The following ZNF726 variants were observed in gnomAD, a reference collection of about 807,000 sequenced individuals.
ZNF726 encodes the protein zinc finger protein 726.
Under a neutral mutation model 11.6 loss-of-function variants are expected in ZNF726, and 15 were observed. The ratio of observed to expected loss-of-function variants is 1.29; its 90% CI spans 0.86 to 1.99. The LOEUF is 1.99. Among genes scored for constraint, ZNF726 ranks in the 30% most tolerant of loss-of-function variants. ZNF726 has a pLI of 0.00. For missense variants in ZNF726, 890 were observed against 725.6 expected, an observed-to-expected ratio of 1.23 and a Z score of -2.60; for synonymous variants, 295 against 243.6, an observed-to-expected ratio of 1.21 and a Z score of -1.96.
chr19:23,939,495 T>C (rs1344612086), intron 3 of ZNF726, among the ~76,000 whole-genome samples: 1 of 152,194 alleles, frequency 6.6e-6, no homozygotes, highest in Non-Finnish European at 1.5e-5. Flanking sequence ...GTTCCATTGG[T>C]CTATATTTCA....
intron 1 of ZNF726, 80 bp from the exon 2 acceptor site, chr19:23,919,293 T>G: frequency 1.3e-6 from 2 of 1,567,622 alleles, no homozygotes; most frequent in Non-Finnish European, 1.7e-6. Flanking sequence ...TCTATTCACT[T>G]TCTGATTTTA....
intron 3 of ZNF726, among the ~76,000 whole-genome samples, chr19:23,931,219 G>C (rs1262879656): frequency 6.6e-6 from 1 of 152,154 alleles, no homozygotes; most frequent in Non-Finnish European, 1.5e-5. Flanking sequence ...TGATCCACCT[G>C]CCTCAGCCTC....
At chr19:23,928,853 A>T (rs961257639) in intron 3 of ZNF726, 1 of 152,114 alleles carries the variant, frequency 6.6e-6, no homozygotes, top group Non-Finnish European at 1.5e-5. Context: ...GCTGGTTTGC[A>T]GTGTTGTGAT....
At chr19:23,938,389 T>C (rs544263766), downstream of ZNF726, among the ~76,000 whole-genome samples, 2 of 152,184 alleles carry the variant, frequency 1.3e-5, no homozygotes, top group African/African-American at 4.8e-5. Context: ...AAATAAATCA[T>C]TTTAAGAAGG....
intron 3 of ZNF726, among the ~76,000 whole-genome samples, chr19:23,931,357 C>T (rs956506073): frequency 2.6e-5 from 4 of 151,596 alleles, no homozygotes; most frequent in Non-Finnish European, 4.4e-5. Context: ...TTTTTACCTC[C>T]ACAGTTTCCG....
intron 1 of ZNF726, among the ~76,000 whole-genome samples, chr19:23,917,856 A>T (rs1222859399): frequency 1.3e-5 from 2 of 148,866 alleles, no homozygotes; most frequent in Non-Finnish European, 3.0e-5. Context: ...TTAATAACTA[A>T]CATGGAAATT....
Position 23,932,700 on chromosome 19 carries a change from A to T in ZNF726, c.584A>T (p.Tyr195Phe). 1 of 1,603,944 alleles carries T rather than the reference A, an allele frequency of 6.2e-7. No individual in the cohort carries two copies. Among genetic ancestry groups the T allele is most frequent in the South Asian group, 1.1e-5 (1 of 88,706 alleles). ...FSHKTQHKSI[Y>F]TTEKSYKCKE... Reference sequence around the variant, plus strand: ...CACAAAACCCAGCATAAAAGCATATATACTACAGAGAAGTCCTACAAATGT... The same window carrying T: ...CACAAAACCCAGCATAAAAGCATATTTACTACAGAGAAGTCCTACAAATGT... Residue 195 changes from tyrosine to phenylalanine, a missense_variant, in exon 4 of 4, where the codon TAT becomes TTT. Transcript: ENST00000594466.
At position 23,919,477 on chromosome 19, in the gene ZNF726, C is replaced by G. The variant is rs569975597; in HGVS notation, c.108C>G (p.Asn36Lys). 6.2e-7 allele frequency: 1 copy of G among 1,603,158 alleles called. No homozygotes were observed. Among genetic ancestry groups the G allele is most frequent in the East Asian group, 2.2e-5 (1 of 44,622 alleles). Residue 36 changes from asparagine to lysine, a missense_variant, in exon 2 of 4, where the codon AAC becomes AAG. Coordinates refer to ENST00000594466, the MANE Select transcript of ZNF726 (RefSeq NM_001244038.2). The part of the protein sequence containing the change: ...KNLYRNVMLE[N>K]YRNLAFLGIA... ...TATATAGGAATGTGATGTTAGAGAA[C>G]TACAGAAACCTGGCCTTCCTGGGTG...
intron 1 of ZNF726, among the ~76,000 whole-genome samples, chr19:23,918,401 T>G (rs1039075879): frequency 2.0e-5 from 3 of 152,224 alleles, no homozygotes; most frequent in African/African-American, 7.2e-5. Flanking sequence ...AGATACCTGC[T>G]TATTAGGGTG....
At position 23,932,709 on chromosome 19, in the gene ZNF726, A is replaced by G; in HGVS notation, c.593A>G (p.Glu198Gly). 1 of 1,607,352 alleles carries G rather than the reference A, an allele frequency of 6.2e-7. No homozygotes were observed. The highest frequency in any genetic ancestry group is 1.7e-5 in the Admixed American group (1 of 58,448). The change falls in exon 4 of 4, where the codon GAG becomes GGG. Residue 198 changes from glutamate to glycine, a missense_variant. Glu to Gly is a moderately conservative substitution (Grantham distance 98). Coordinates refer to ENST00000594466, the MANE Select transcript of ZNF726 (RefSeq NM_001244038.2). The stretch of plus-strand genomic sequence containing the variant: ...CAGCATAAAAGCATATATACTACAG[A>G]GAAGTCCTACAAATGTAAAGAATGT... ...KTQHKSIYTT[E>G]KSYKCKECGK...
Position 23,933,923 on chromosome 19 carries a change from A to G in ZNF726, c.1807A>G (p.Ile603Val), listed in dbSNP as rs1352107684. The change falls in exon 4 of 4, where the codon ATC (isoleucine) becomes GTC (valine). Residue 603 changes from isoleucine to valine, a missense_variant. Physicochemically the swap from Ile to Val is conservative, Grantham distance 29. Transcript: ENST00000594466. ...YKCDECGKSF[I>V]WSSTLFKHKR... is the part of the protein sequence containing the mutation. ...GTGTGACGAATGTGGCAAATCATTT[A>G]TCTGGTCCTCAACCCTTTTTAAGCA... 4 of 1,585,684 alleles carry G rather than the reference A, an allele frequency of 2.5e-6. No homozygotes were observed. Among genetic ancestry groups the G allele is most frequent in the Middle Eastern group, 1.7e-4 (1 of 6,058 alleles).
chr19:23,919,500 G>T lies in ZNF726; in HGVS notation c.130+1G>T. On this transcript the variant is annotated splice_donor_variant, in intron 2 of 3. Coordinates refer to ENST00000594466, the MANE Select transcript of ZNF726 (RefSeq NM_001244038.2). LOFTEE classifies it high-confidence loss of function. ...AACTACAGAAACCTGGCCTTCCTGG[G>T]TGAGGATAACTTTAATACAAAATTT... 6.3e-7 allele frequency: 1 copy of T among 1,592,246 alleles called. No individual in the cohort carries two copies. The highest frequency in any genetic ancestry group is 8.5e-7 in the Non-Finnish European group (1 of 1,171,336).
At position 23,932,677 on chromosome 19, in the gene ZNF726, C is replaced by T. The variant is rs1328481771; in HGVS notation, c.561C>T (p.His187=). ...TCAAATCATTTTGCATGTTTTCACA[C>T]AAAACCCAGCATAAAAGCATATATA... The part of the protein sequence containing the change: ...NCVKSFCMFS[H]KTQHKSIYTT... Residue 187 remains histidine, a synonymous_variant, in exon 4 of 4, where the codon CAC becomes CAT. Coordinates refer to ENST00000594466, the MANE Select transcript of ZNF726 (RefSeq NM_001244038.2). 5 of 1,587,900 alleles carry T rather than the reference C, an allele frequency of 3.1e-6. No homozygotes were observed. Among genetic ancestry groups the T allele is most frequent in the Non-Finnish European group, 4.3e-6 (5 of 1,171,162 alleles).
At chr19:23,943,719 C>A (rs1022085428) in intron 4 of ZNF726, 2 of 447,222 alleles carry the variant, frequency 4.5e-6, no homozygotes, top group Non-Finnish European at 8.1e-6. Flanking sequence ...CTTTTTTTTT[C>A]CTCTAGCTCT....
At chr19:23,943,475 C>T (rs1346468740) in intron 3 of ZNF726, 2 of 591,028 alleles carry the variant, frequency 3.4e-6, no homozygotes, top group South Asian at 2.2e-5. Flanking sequence ...AGTCATATTA[C>T]TTTTTTCTAA....
In ZNF726 at chr19:23,928,733, G is replaced by A. The variant is rs900553699; in HGVS notation, c.227-3610G>A. The stretch of plus-strand genomic sequence containing the variant: ...AATGAGTCCCTTGTAGGTGGCATAT[G>A]GTTTGCTTTTTCTTAAGCCACTAAA... On this transcript the variant is annotated intron_variant, in intron 3 of 3. Transcript: ENST00000594466. 3 of 151,982 alleles carry A rather than the reference G, an allele frequency of 2.0e-5. No homozygotes were observed. In the East Asian group the frequency reaches 5.8e-4, roughly 29 times the overall value. The allele number at this position is 151,982 out of a possible 1,614,324, so 9.4% of individuals were successfully genotyped here.
chr19:23,924,269 G>T (rs1441359489), intron 3 of ZNF726, among the ~76,000 whole-genome samples: 1 of 150,736 alleles, frequency 6.6e-6, no homozygotes, highest in African/African-American at 2.4e-5. Context: ...GGTCAGGCTG[G>T]TCTCAAACTC....
chr19:23,933,986 T>C lies in ZNF726; in HGVS notation c.*19T>C, dbSNP rs778831006. ...TACTTGAGAGAAACCTTAAAAAGGG[T>C]AAAGAATGTGGCAAAGCATTTATAT... On this transcript the variant is annotated 3_prime_UTR_variant, in exon 4 of 4. Transcript: ENST00000594466. 1 of 1,577,376 alleles carries C rather than the reference T, an allele frequency of 6.3e-7. No homozygotes were observed. The highest frequency in any genetic ancestry group is 2.3e-5 in the East Asian group (1 of 42,836).
chr19:23,940,651 C>T (rs535513672), intron 3 of ZNF726, among the ~76,000 whole-genome samples: 5 of 152,214 alleles, frequency 3.3e-5, no homozygotes, highest in East Asian at 1.9e-4. Context: ...TTGTTTGTGT[C>T]ATCTATGATA....
Sources: gnomAD v4.1 joint callset for allele counts (sites outside exome capture counted in the v4.1 genomes callset) on GRCh38, gnomAD v4.1.1 for gene constraint, MANE v1.5 for transcripts, NCBI Gene and HGNC (gene_info 2026-07-23, HGNC 2026-07-21) for gene names.